Variants in PCDHGB6 observed in about 807,000 individuals in gnomAD.
PCDHGB6 encodes the protein protocadherin gamma subfamily B, 6.
In PCDHGB6, 51 loss-of-function variants were observed where a neutral mutation model predicts 59.1. The observed-to-expected ratio is 0.86, with a 90% CI of 0.69 to 1.09. The LOEUF (loss-of-function observed/expected upper bound fraction) is 1.09. Among genes scored for constraint, PCDHGB6 ranks in the 50% least tolerant of loss-of-function variants. PCDHGB6 has a pLI of 0.00. For synonymous variants in PCDHGB6, 466 were observed against 495.1 expected (o/e 0.94, Z 0.78); for missense variants, 1,148 against 1,205.1 (o/e 0.95, Z 0.70).
intron 1 of PCDHGB6, chr5:141,433,023 A>C: frequency 6.2e-7 from 1 of 1,614,084 alleles, no homozygotes; most frequent in East Asian, 2.2e-5. Context: ...ACCTATTCCC[A>C]CGAGGTTTCC....
In PCDHGB6 at chr5:141,485,985, T is replaced by C. The variant is rs748867624; in HGVS notation, c.2419-8822T>C. 5.6e-6 allele frequency: 9 copies of C among 1,614,086 alleles called. No homozygotes were observed. Among genetic ancestry groups the C allele is most frequent in the South Asian group, 5.5e-5 (5 of 91,094 alleles). On this transcript the variant is annotated intron_variant, in intron 1 of 3. Coordinates refer to ENST00000520790, the MANE Select transcript of PCDHGB6 (RefSeq NM_018926.3). The surrounding 1 kb of genome is among the most constrained non-coding windows in gnomAD (Gnocchi z 5.7). ...CAGCTCAATGCCTCAGACCCGGACC[T>C]GGGTCCCAGTGGTAACGTCACCTTT...
intron 1 of PCDHGB6, among the ~76,000 whole-genome samples, chr5:141,452,664 T>C (rs557662640): frequency 6.6e-6 from 1 of 151,058 alleles, no homozygotes; most frequent in South Asian, 2.1e-4. Context: ...TCCACTGCAC[T>C]CCAGCCTAGG....
intron 2 of PCDHGB6, among the ~76,000 whole-genome samples, chr5:141,501,279 A>T (rs1180397181): frequency 3.0e-5 from 4 of 135,444 alleles, no homozygotes. Context: ...AGTCTATGGG[A>T]TATTCCCTTA....
At chr5:141,455,789 G>A (rs966897617) in intron 1 of PCDHGB6, among the ~76,000 whole-genome samples, 56 of 152,058 alleles carry the variant, frequency 3.7e-4, no homozygotes, top group African/African-American at 1.3e-3. Context: ...AACTTTTCCG[G>A]AGATGCTTTA....
Position 141,477,649 on chromosome 5 carries a change from A to G in PCDHGB6, c.2419-17158A>G, listed in dbSNP as rs2099415032. 3.7e-6 allele frequency: 6 copies of G among 1,614,076 alleles called. No individual in the cohort carries two copies. Among genetic ancestry groups the G allele is most frequent in the Non-Finnish European group, 5.1e-6 (6 of 1,180,048 alleles). ...CCGGGCTAGTGGGTCGCTATTTCAC[A>G]ATAAATCGTGACAATGGCATAGTGT... On this transcript the variant is annotated intron_variant, in intron 1 of 3. Transcript: ENST00000520790. The surrounding 1 kb of genome is among the most constrained non-coding windows in gnomAD (Gnocchi z 4.9).
At chr5:141,498,954 A>G (rs1180380627) in intron 2 of PCDHGB6, among the ~76,000 whole-genome samples, 2 of 134,538 alleles carry the variant, frequency 1.5e-5, no homozygotes, top group Non-Finnish European at 3.2e-5. Context: ...AGAAAAAGAG[A>G]GAGAGGGAGG....
intron 1 of PCDHGB6, chr5:141,430,868 G>A (rs1414256124): frequency 6.3e-7 from 1 of 1,597,104 alleles, no homozygotes; most frequent in Admixed American, 1.8e-5. Context: ...TTCAGTTCCG[G>A]AAGAGCTGGA....
chr5:141,443,308 C>T (rs1484035480), intron 1 of PCDHGB6, among the ~76,000 whole-genome samples: 7 of 136,252 alleles, frequency 5.1e-5, no homozygotes, highest in African/African-American at 2.2e-4. Context: ...TGGCAAAAAC[C>T]CATCTCTACA....
chr5:141,410,489 G>A lies in PCDHGB6; in HGVS notation c.2287G>A (p.Glu763Lys). Residue 763 changes from glutamate to lysine, a missense_variant, in exon 1 of 4, where the codon GAG becomes AAG. Glu to Lys is a moderately conservative substitution (Grantham distance 56). This residue lies in a region of PCDHGB6 where 283 missense variants were observed against 318.6 expected (regional missense o/e 0.89). Transcript: ENST00000520790. ...NLCIAHTGTKEFNFLKCSVPL... is the reference protein window; with the variant it reads ...NLCIAHTGTKKFNFLKCSVPL... Reference sequence around the variant, plus strand: ...GTGCATTGCACATACGGGTACAAAAGAGTTTAATTTCCTAAAATGCAGTGT... The same window carrying A: ...GTGCATTGCACATACGGGTACAAAAAAGTTTAATTTCCTAAAATGCAGTGT... 1.9e-6 allele frequency: 3 copies of A among 1,613,972 alleles called. No individual in the cohort carries two copies. The highest frequency in any genetic ancestry group is 1.7e-6 in the Non-Finnish European group (2 of 1,179,890).
At position 141,414,415 on chromosome 5, in the gene PCDHGB6, C is replaced by T. The variant is rs769791452; in HGVS notation, c.2418+3795C>T. ...TTACAGATTGGTGATACACAGAGCC[C>T]TTGACAGGGAACAGGTATCCTCTTA... On this transcript the variant is annotated intron_variant, in intron 1 of 3. Coordinates refer to ENST00000520790, the MANE Select transcript of PCDHGB6 (RefSeq NM_018926.3). The T allele has an allele frequency of 2.5e-6, 4 of 1,613,758 alleles. No individual in the cohort carries two copies. Among genetic ancestry groups the T allele is most frequent in the Non-Finnish European group, 8.5e-7 (1 of 1,179,880 alleles).
At chr5:141,423,240 A>G (rs1260661059) in intron 1 of PCDHGB6, 1 of 1,613,932 alleles carries the variant, frequency 6.2e-7, no homozygotes, top group Middle Eastern at 1.6e-4. Context: ...GCATCCCCGA[A>G]GTCCTGGCGG....
intron 3 of PCDHGB6, among the ~76,000 whole-genome samples, chr5:141,505,861 C>A (rs115699706): frequency 0.034 from 5,102 of 152,242 alleles, 131 homozygotes; most frequent in Admixed American, 0.057. Flanking sequence ...GGGACAGGGA[C>A]CCCAAAGGGT....
intron 1 of PCDHGB6, among the ~76,000 whole-genome samples, chr5:141,442,633 C>A (rs1210890820): frequency 6.6e-6 from 1 of 152,158 alleles, no homozygotes; most frequent in Admixed American, 6.5e-5. Flanking sequence ...AGCAGCAAGA[C>A]CAAAGGCCTA....
Position 141,506,445 on chromosome 5 carries a change from A to T in PCDHGB6, c.2566+964A>T, listed in dbSNP as rs1018306383. 3.8e-3 allele frequency among the ~76,000 whole-genome samples: 112 copies of T among 29,226 alleles called. No individual in the cohort carries two copies. The Middle Eastern group carries it at 0.08, about 21-fold the overall frequency. The allele number at this position is 29,226 out of a possible 152,430, so 19.2% of individuals were successfully genotyped here. ...CTGGGCAACAGTCTCGCTCTGTCTC[A>T]AAAAAAAAAAAAAAAAAAAAGAGCA... On this transcript the variant is annotated intron_variant, in intron 3 of 3. Transcript: ENST00000520790.
intron 1 of PCDHGB6, among the ~76,000 whole-genome samples, chr5:141,455,045 C>G (rs1008259013): frequency 6.6e-6 from 1 of 151,798 alleles, no homozygotes; most frequent in Non-Finnish European, 1.5e-5. Context: ...ATCTCCTGAC[C>G]TCGTGATCCG....
intron 1 of PCDHGB6, chr5:141,475,986 G>T: frequency 2.8e-6 from 3 of 1,089,866 alleles, no homozygotes; most frequent in Non-Finnish European, 3.9e-6. Context: ...CAGCCGGCGA[G>T]CAAATCAACG....
chr5:141,428,168 C>A, intron 1 of PCDHGB6: 1 of 1,551,608 alleles, frequency 6.4e-7, no homozygotes, highest in Non-Finnish European at 8.8e-7. Context: ...GGTTGCTGTG[C>A]GTGACGGAGG....
intron 1 of PCDHGB6, chr5:141,478,899 T>A (rs905349011): frequency 9.7e-7 from 1 of 1,027,124 alleles, no homozygotes; most frequent in African/African-American, 1.6e-5. Context: ...ACATTAGGAA[T>A]AAGCTGCTGG....
At chr5:141,421,281 C>T in intron 1 of PCDHGB6, 2 of 1,612,970 alleles carry the variant, frequency 1.2e-6, no homozygotes, top group South Asian at 2.2e-5. Flanking sequence ...TGCTGCTGTG[C>T]ATTTTCCTGG....
Sources: gnomAD v4.1 joint callset for allele counts (sites outside exome capture counted in the v4.1 genomes callset) on GRCh38, gnomAD v4.1.1 for gene constraint, gnomAD v4.1.1 regional missense constraint, Gnocchi (gnomAD v3.1) non-coding constraint, MANE v1.5 for transcripts, NCBI Gene and HGNC (gene_info 2026-07-23, HGNC 2026-07-21) for gene names.